Variants in ANXA8 observed in about 807,000 individuals in gnomAD.
ANXA8 encodes the protein VAC-beta.
A neutral mutation model predicts 26.8 loss-of-function variants in ANXA8; 9 were observed. That is an observed-to-expected ratio of 0.34 (90% CI 0.20 to 0.59). The LOEUF (loss-of-function observed/expected upper bound fraction) is 0.59. Among genes scored for constraint, ANXA8 ranks in the 20% least tolerant of loss-of-function variants. The pLI is 0.84. For missense variants in ANXA8, 83 were observed against 238.5 expected, an observed-to-expected ratio of 0.35 and a Z score of 4.29; for synonymous variants, 39 against 94.8, an observed-to-expected ratio of 0.41 and a Z score of 3.42.
At chr10:47,966,920 T>C in the ANXA8 span, among the ~76,000 whole-genome samples, 1 of 146,020 alleles carries the variant, frequency 6.8e-6, no homozygotes, top group Non-Finnish European at 1.5e-5. Context: ...AGTTTCCTTC[T>C]TAAAAAGCAT....
At chr10:47,777,615 T>C in the ANXA8 span, among the ~76,000 whole-genome samples, 3 of 152,324 alleles carry the variant, frequency 2.0e-5, no homozygotes, top group African/African-American at 4.8e-5. Context: ...TGGGCAGAAA[T>C]TGTGAAGGTT....
chr10:47,772,380 A>C, the ANXA8 span, among the ~76,000 whole-genome samples: 8 of 152,350 alleles, frequency 5.3e-5, no homozygotes, highest in Non-Finnish European at 1.0e-4. Flanking sequence ...TTATTTCCTC[A>C]CTCACATCCC....
At chr10:47,526,116 T>TA in the ANXA8 span, among the ~76,000 whole-genome samples, 2 of 133,786 alleles carry the variant, frequency 1.5e-5, no homozygotes, top group African/African-American at 5.7e-5. Context: ...TTTTATTTTT[T>TA]TTTTTTTTGA....
At chr10:47,951,050 A>G in the ANXA8 span, among the ~76,000 whole-genome samples, 1 of 150,466 alleles carries the variant, frequency 6.6e-6, no homozygotes, top group African/African-American at 2.5e-5. Flanking sequence ...AATAAAATTG[A>G]TAAACTCCTA....
the ANXA8 span, among the ~76,000 whole-genome samples, chr10:47,551,526 T>C: frequency 6.6e-5 from 10 of 151,972 alleles, no homozygotes; most frequent in South Asian, 4.2e-4. Context: ...CTATAAATTC[T>C]TGTATCTTGG....
chr10:47,709,618 GCTCT>G, the ANXA8 span, among the ~76,000 whole-genome samples: 1 of 139,700 alleles, frequency 7.2e-6, no homozygotes, highest in African/African-American at 2.9e-5. Flanking sequence ...ATGCTTAAAA[GCTCT>G]CTGAGCTCAG....
At chr10:47,740,930 C>T in the ANXA8 span, among the ~76,000 whole-genome samples, 1 of 151,696 alleles carries the variant, frequency 6.6e-6, no homozygotes, top group East Asian at 1.9e-4. Context: ...ATCTGCCAAA[C>T]AGTGCTCCAA....
At chr10:47,521,495 A>G in the ANXA8 span, among the ~76,000 whole-genome samples, 1 of 140,558 alleles carries the variant, frequency 7.1e-6, no homozygotes, top group South Asian at 2.3e-4. Flanking sequence ...GAGCCCAACC[A>G]AAGTTTAAAT....
the ANXA8 span, among the ~76,000 whole-genome samples, chr10:47,673,803 T>G: frequency 6.6e-6 from 1 of 151,256 alleles, no homozygotes; most frequent in African/African-American, 2.4e-5. Context: ...TTTTTAGTTT[T>G]TCCTATTTTT....
the ANXA8 span, among the ~76,000 whole-genome samples, chr10:47,658,464 A>T: frequency 1.3e-5 from 2 of 149,584 alleles, no homozygotes; most frequent in Admixed American, 1.3e-4. Context: ...TTTGGTTTTC[A>T]TAGCAATCAA....
At chr10:47,727,386 C>G in the ANXA8 span, among the ~76,000 whole-genome samples, 23 of 152,334 alleles carry the variant, frequency 1.5e-4, no homozygotes, top group East Asian at 2.9e-3. Flanking sequence ...AACTCCATTC[C>G]TGTTCTCATT....
At chr10:47,667,228 A>G in the ANXA8 span, among the ~76,000 whole-genome samples, 3 of 152,024 alleles carry the variant, frequency 2.0e-5, no homozygotes, top group Non-Finnish European at 4.4e-5. Context: ...GTTTTCTGAA[A>G]ACACTTTATT....
the ANXA8 span, chr10:47,569,724 A>AAAG: frequency 2.0e-6 from 1 of 511,956 alleles, no homozygotes; most frequent in South Asian, 3.4e-5. Flanking sequence ...ATTTTGGCAT[A>AAAG]AAGTGGGAAC....
the ANXA8 span, among the ~76,000 whole-genome samples, chr10:47,639,320 T>TTTTTTTTTTGAGACGGAG: frequency 1.0e-5 from 1 of 96,306 alleles, no homozygotes; most frequent in East Asian, 3.3e-4. Flanking sequence ...TATTATTTTT[T>TTTTTTTTTTGAGACGGAG]TTTTTTTTTT....
chr10:47,976,544 TACACAC>T, the ANXA8 span, among the ~76,000 whole-genome samples: 14 of 132,298 alleles, frequency 1.1e-4, no homozygotes, highest in South Asian at 7.5e-4. Context: ...CCTCTGTCTT[TACACAC>T]ACACACACAC....
chr10:47,481,931 A>G (rs1297149579), intron 1 of ANXA8, among the ~76,000 whole-genome samples: 1 of 143,284 alleles, frequency 7.0e-6, no homozygotes, highest in Non-Finnish European at 1.5e-5. Context: ...TATTAATATA[A>G]CTTGTTCTGT....
chr10:47,665,379 C>T, the ANXA8 span, among the ~76,000 whole-genome samples: 23 of 150,976 alleles, frequency 1.5e-4, no homozygotes, highest in East Asian at 9.6e-4. Context: ...GGAATAGCTG[C>T]GTACACTTTA....
the ANXA8 span, among the ~76,000 whole-genome samples, chr10:47,674,473 A>G: frequency 2.0e-5 from 3 of 151,682 alleles, no homozygotes; most frequent in African/African-American, 7.3e-5. Flanking sequence ...TATACTGTCA[A>G]TATGACTAAT....
At chr10:47,954,015 T>G in the ANXA8 span, among the ~76,000 whole-genome samples, 12 of 150,694 alleles carry the variant, frequency 8.0e-5, 1 homozygote, top group African/African-American at 2.9e-4. Context: ...AGAACTACCC[T>G]ATGATCCAGC....
Sources: gnomAD v4.1 joint callset for allele counts (sites outside exome capture counted in the v4.1 genomes callset) on GRCh38, gnomAD v4.1.1 for gene constraint, MANE v1.5 for transcripts, NCBI Gene and HGNC (gene_info 2026-07-23, HGNC 2026-07-21) for gene names.